The following SLC14A2 variants were observed in gnomAD, a reference collection of about 807,000 sequenced individuals.
SLC14A2 encodes solute carrier family 14 member 2.
Under a neutral mutation model 104.6 loss-of-function variants are expected in SLC14A2, and 91 were observed. The ratio of observed to expected loss-of-function variants is 0.87; its 90% CI spans 0.73 to 1.04. The LOEUF is 1.04. Ranked by LOEUF, SLC14A2 falls within the 50% of genes least tolerant of loss-of-function variation. The pLI is 0.00. For missense variants in SLC14A2, 1,189 were observed against 1,156.0 expected (o/e 1.03, Z -0.41); for synonymous variants, 476 against 466.4 (o/e 1.02, Z -0.27).
intron 1 of SLC14A2, among the ~76,000 whole-genome samples, chr18:45,359,667 T>C (rs1304585143): frequency 6.6e-6 from 1 of 152,208 alleles, no homozygotes; most frequent in Admixed American, 6.5e-5. Context: ...CAGCAATCAC[T>C]GTGTGCAGAG....
At chr18:45,345,340 A>T (rs980554508) in intron 1 of SLC14A2, among the ~76,000 whole-genome samples, 1 of 152,216 alleles carries the variant, frequency 6.6e-6, no homozygotes, top group African/African-American at 2.4e-5. Context: ...AGGAACTCTG[A>T]TAGGTGCCAG....
At chr18:45,508,673 C>T (rs2254943) in intron 2 of SLC14A2, among the ~76,000 whole-genome samples, 122,877 of 152,106 alleles carry the variant, frequency 0.81, 50,702 homozygotes, top group Non-Finnish European at 0.91. Flanking sequence ...GATGTTTCTG[C>T]AGAATGGCCA....
intron 1 of SLC14A2, among the ~76,000 whole-genome samples, chr18:45,291,795 G>A (rs2084872224): frequency 6.6e-6 from 1 of 151,320 alleles, no homozygotes; most frequent in African/African-American, 2.4e-5. Context: ...CAATCGAATT[G>A]TCGTTGTGCT....
intron 10 of SLC14A2, among the ~76,000 whole-genome samples, chr18:45,662,192 A>C (rs1456828199): frequency 6.6e-6 from 1 of 152,050 alleles, no homozygotes; most frequent in African/African-American, 2.4e-5. Context: ...AATCCCAGCT[A>C]CTCAGGAGGC....
At chr18:45,251,878 GTATC>G (rs1268561250) in intron 1 of SLC14A2, among the ~76,000 whole-genome samples, 2 of 152,164 alleles carry the variant, frequency 1.3e-5, no homozygotes, top group African/African-American at 2.4e-5. Context: ...AGCAAATAGA[GTATC>G]TATGCAAATA....
At chr18:45,487,644 G>T (rs961086407) in intron 2 of SLC14A2, among the ~76,000 whole-genome samples, 1 of 152,098 alleles carries the variant, frequency 6.6e-6, no homozygotes, top group Admixed American at 6.6e-5. Flanking sequence ...GAGGGCTTTC[G>T]GGATCAGCCA....
At chr18:45,663,429 C>T (rs952738235) in intron 10 of SLC14A2, among the ~76,000 whole-genome samples, 10 of 152,198 alleles carry the variant, frequency 6.6e-5, no homozygotes, top group Non-Finnish European at 1.2e-4. Flanking sequence ...AGTTTTGGAA[C>T]TCCCTGCCAC....
chr18:45,386,715 C>T (rs1259189600), intron 1 of SLC14A2, among the ~76,000 whole-genome samples: 5 of 152,172 alleles, frequency 3.3e-5, no homozygotes, highest in Non-Finnish European at 5.9e-5. Context: ...GGGGCCAGGC[C>T]GGAATTTGAG....
At chr18:45,272,238 C>T (rs1397615520) in intron 1 of SLC14A2, among the ~76,000 whole-genome samples, 2 of 152,034 alleles carry the variant, frequency 1.3e-5, no homozygotes. Context: ...AATCCCACTG[C>T]TGGGTATATA....
intron 1 of SLC14A2, among the ~76,000 whole-genome samples, chr18:45,390,273 C>T (rs1017585634): frequency 6.6e-6 from 1 of 152,002 alleles, no homozygotes; most frequent in African/African-American, 2.4e-5. Flanking sequence ...TCCTGAGCAC[C>T]ATCTTGTCAC....
chr18:45,669,229 G>T, intron 15 of SLC14A2, 77 bp from the exon 16 acceptor site: 2 of 1,212,602 alleles, frequency 1.6e-6, no homozygotes, highest in Non-Finnish European at 2.3e-6. Flanking sequence ...AAGGCACAGG[G>T]AGCCCCCACT....
chr18:45,283,338 C>T (rs1294640947), intron 1 of SLC14A2, among the ~76,000 whole-genome samples: 2 of 128,770 alleles, frequency 1.6e-5, no homozygotes, highest in Admixed American at 8.1e-5. Flanking sequence ...ATGCTGTGAC[C>T]CTCCTGACTT....
At chr18:45,553,554 G>T (rs553553773) in intron 2 of SLC14A2, among the ~76,000 whole-genome samples, 2 of 152,202 alleles carry the variant, frequency 1.3e-5, no homozygotes, top group Non-Finnish European at 2.9e-5. Context: ...TGAGTGGGGT[G>T]AGGGTGTGCT....
At chr18:45,362,937 A>C (rs1252976199) in intron 1 of SLC14A2, among the ~76,000 whole-genome samples, 1 of 151,962 alleles carries the variant, frequency 6.6e-6, no homozygotes, top group South Asian at 2.1e-4. Context: ...CTGCCATGAG[A>C]CTGGAGCTCA....
At chr18:45,557,784 A>G (rs2044151615) in intron 2 of SLC14A2, among the ~76,000 whole-genome samples, 1 of 152,054 alleles carries the variant, frequency 6.6e-6, no homozygotes, top group African/African-American at 2.4e-5. Context: ...GCCTAGCCAT[A>G]GTTTCTTGCC....
intron 1 of SLC14A2, among the ~76,000 whole-genome samples, chr18:45,256,628 A>G (rs1268498205): frequency 6.6e-6 from 1 of 152,214 alleles, no homozygotes; most frequent in Non-Finnish European, 1.5e-5. Context: ...TGATAATTTC[A>G]TTTTAACAAA....
At chr18:45,626,930 C>T (rs1316224230) in intron 3 of SLC14A2, 28 bp from the exon 4 acceptor site, 3 of 1,592,434 alleles carry the variant, frequency 1.9e-6, no homozygotes, top group South Asian at 2.3e-5. Flanking sequence ...GCTGGACCTG[C>T]TGATGGCTCG....
At chr18:45,558,721 T>C (rs995989398) in intron 2 of SLC14A2, among the ~76,000 whole-genome samples, 14 of 152,298 alleles carry the variant, frequency 9.2e-5, no homozygotes, top group African/African-American at 2.2e-4. Flanking sequence ...CATTTGACCA[T>C]AGATACCAAG....
At chr18:45,222,359 A>T (rs1308678979) in intron 1 of SLC14A2, among the ~76,000 whole-genome samples, 2 of 152,194 alleles carry the variant, frequency 1.3e-5, no homozygotes, top group Non-Finnish European at 2.9e-5. Flanking sequence ...ATTTGGCGTG[A>T]GTCCTGTCCA....
Sources: allele counts gnomAD v4.1 joint callset (sites outside exome capture counted in the v4.1 genomes callset), GRCh38; gene constraint gnomAD v4.1.1; transcripts MANE v1.5; gene names NCBI Gene and HGNC (gene_info 2026-07-23, HGNC 2026-07-21).